Variants in HS6ST3 observed in about 807,000 individuals in gnomAD.
HS6ST3 encodes heparan sulfate 6-O-sulfotransferase 3.
A neutral mutation model predicts 36.7 loss-of-function variants in HS6ST3; 12 were observed. The observed-to-expected ratio is 0.33, with a 90% CI of 0.21 to 0.53. The LOEUF (loss-of-function observed/expected upper bound fraction) is 0.53. HS6ST3 is among the 20% of genes least tolerant of loss of function. HS6ST3 has a pLI of 0.95. For synonymous variants in HS6ST3, 240 were observed against 257.5 expected (o/e 0.93, Z 0.65); for missense variants, 584 against 640.9 (o/e 0.91, Z 0.96).
At chr13:96,628,240 A>G (rs1006133781) in intron 1 of HS6ST3, among the ~76,000 whole-genome samples, 1 of 151,846 alleles carries the variant, frequency 6.6e-6, no homozygotes, top group Non-Finnish European at 1.5e-5. Context: ...TCATTTTAAG[A>G]TTTTCCGTTA....
intron 1 of HS6ST3, among the ~76,000 whole-genome samples, chr13:96,352,282 G>A (rs1430471153): frequency 1.3e-5 from 2 of 152,180 alleles, no homozygotes; most frequent in African/African-American, 2.4e-5. Flanking sequence ...AGTTTTGTTG[G>A]ATGGTTCTGG....
intron 1 of HS6ST3, among the ~76,000 whole-genome samples, chr13:96,701,140 G>T (rs142804436): frequency 6.6e-6 from 1 of 152,282 alleles, no homozygotes; most frequent in Non-Finnish European, 1.5e-5. Context: ...TAGTTGGATT[G>T]ATCTGTCAAT....
intron 1 of HS6ST3, among the ~76,000 whole-genome samples, chr13:96,650,601 A>G (rs1002029583): frequency 6.6e-6 from 1 of 152,050 alleles, no homozygotes; most frequent in Non-Finnish European, 1.5e-5. Flanking sequence ...CTGAATGTCA[A>G]ATTGAGGAAG....
chr13:96,466,813 C>T (rs1410968969), intron 1 of HS6ST3, among the ~76,000 whole-genome samples: 1 of 152,054 alleles, frequency 6.6e-6, no homozygotes, highest in Non-Finnish European at 1.5e-5. Context: ...AAAATGACAG[C>T]CATCATGCTA....
At chr13:96,822,334 G>T (rs773097534) in intron 1 of HS6ST3, among the ~76,000 whole-genome samples, 2 of 152,178 alleles carry the variant, frequency 1.3e-5, no homozygotes, top group Non-Finnish European at 2.9e-5. Context: ...AAATAATCAC[G>T]GAAGTCCCTG....
chr13:96,597,006 A>G (rs963318248), intron 1 of HS6ST3, among the ~76,000 whole-genome samples: 3 of 152,214 alleles, frequency 2.0e-5, no homozygotes, highest in African/African-American at 4.8e-5. Context: ...GCAGCCATAA[A>G]AAACAAACAA....
At position 96,492,055 on chromosome 13, in the gene HS6ST3, A is replaced by C. The variant is rs190246880; in HGVS notation, c.708-340435A>C. Among the ~76,000 whole-genome samples the C allele has an allele frequency of 4.0e-3, 605 of 152,268 alleles. 4 individuals carry two copies. Among genetic ancestry groups the C allele is most frequent in the African/African-American group, 9.3e-3 (385 of 41,552 alleles). ...TCTCAATGGCATATTCATTTTACAG[A>C]GGACAAAACCCCCTGATTTATCTCT... On this transcript the variant is annotated intron_variant, in intron 1 of 1. Coordinates refer to ENST00000376705, the MANE Select transcript of HS6ST3 (RefSeq NM_153456.4).
At chr13:96,256,035 A>G (rs1284194734) in intron 1 of HS6ST3, among the ~76,000 whole-genome samples, 1 of 152,212 alleles carries the variant, frequency 6.6e-6, no homozygotes, top group Non-Finnish European at 1.5e-5. Context: ...TTCTTAAGTT[A>G]TATTAGCACT....
intron 1 of HS6ST3, among the ~76,000 whole-genome samples, chr13:96,654,519 A>G (rs2056618145): frequency 6.6e-6 from 1 of 152,134 alleles, no homozygotes. Flanking sequence ...AGAAGGTTAT[A>G]GATGTGTGGC....
intron 1 of HS6ST3, among the ~76,000 whole-genome samples, chr13:96,817,091 A>G (rs1272846781): frequency 6.6e-6 from 1 of 151,456 alleles, no homozygotes; most frequent in Non-Finnish European, 1.5e-5. Flanking sequence ...AAATACCTCC[A>G]GAACTAATGG....
intron 1 of HS6ST3, among the ~76,000 whole-genome samples, chr13:96,698,538 A>G (rs893297667): frequency 2.6e-5 from 4 of 152,176 alleles, no homozygotes; most frequent in Non-Finnish European, 5.9e-5. Context: ...ATACCTAGGA[A>G]TCCAACTTGC....
chr13:96,211,313 C>T (rs1260171424), intron 1 of HS6ST3, among the ~76,000 whole-genome samples: 2 of 152,274 alleles, frequency 1.3e-5, no homozygotes, highest in East Asian at 3.9e-4. Flanking sequence ...AGAAACCTGA[C>T]CACTGTTCAT....
intron 1 of HS6ST3, among the ~76,000 whole-genome samples, chr13:96,425,656 G>A (rs1026472600): frequency 6.6e-6 from 1 of 151,864 alleles, no homozygotes; most frequent in African/African-American, 2.4e-5. Context: ...CAAATACAGC[G>A]AGAGACCCCT....
intron 1 of HS6ST3, among the ~76,000 whole-genome samples, chr13:96,504,866 G>A (rs2056020074): frequency 6.6e-6 from 1 of 152,060 alleles, no homozygotes; most frequent in Non-Finnish European, 1.5e-5. Flanking sequence ...TAGACATAAA[G>A]CAATACTACA....
At chr13:96,640,038 C>A (rs1448394612) in intron 1 of HS6ST3, among the ~76,000 whole-genome samples, 1 of 151,792 alleles carries the variant, frequency 6.6e-6, no homozygotes, top group Non-Finnish European at 1.5e-5. Context: ...ATGCATGTGT[C>A]CTTTTGGTAG....
intron 1 of HS6ST3, among the ~76,000 whole-genome samples, chr13:96,466,777 G>A (rs1215145140): frequency 9.8e-6 from 1 of 102,456 alleles, no homozygotes; most frequent in Admixed American, 9.4e-5. Flanking sequence ...GCAATTCTAT[G>A]TCAATTATAT....
chr13:96,460,133 C>A lies in HS6ST3; in HGVS notation c.707+368564C>A, dbSNP rs527409993. ...TACACAACACAATAGGCAAAACCAA[C>A]TTCCATGAAAGAGTGTTATTTTTCC... On this transcript the variant is annotated intron_variant, in intron 1 of 1. Coordinates refer to ENST00000376705, the MANE Select transcript of HS6ST3 (RefSeq NM_153456.4). 1.8e-4 allele frequency among the ~76,000 whole-genome samples: 27 copies of A among 152,292 alleles called. 1 individual carries two copies. The South Asian group carries it at 5.6e-3, about 32-fold the overall frequency.
At chr13:96,687,748 T>C (rs1486948859) in intron 1 of HS6ST3, among the ~76,000 whole-genome samples, 4 of 151,788 alleles carry the variant, frequency 2.6e-5, no homozygotes, top group Non-Finnish European at 5.9e-5. Context: ...TTGTTAAGGA[T>C]TGAGACTCTC....
At chr13:96,779,717 C>T (rs1414085437) in intron 1 of HS6ST3, among the ~76,000 whole-genome samples, 1 of 149,812 alleles carries the variant, frequency 6.7e-6, no homozygotes, top group Admixed American at 6.7e-5. Context: ...TGAGACAACT[C>T]ATGGCTCTTT....
Sources: allele counts gnomAD v4.1 joint callset (sites outside exome capture counted in the v4.1 genomes callset), GRCh38; gene constraint gnomAD v4.1.1; transcripts MANE v1.5; gene names NCBI Gene and HGNC (gene_info 2026-07-23, HGNC 2026-07-21).